The following WIPF3 variants were observed in gnomAD, a reference collection of about 807,000 sequenced individuals.
The protein encoded by WIPF3 is WAS/WASL-interacting protein family member 3.
A neutral mutation model predicts 38.9 loss-of-function variants in WIPF3; 33 were observed. That is an observed-to-expected ratio of 0.85 (90% CI 0.64 to 1.14). The LOEUF is 1.14. Ranked by LOEUF, WIPF3 falls within the 50% of genes most tolerant of loss-of-function variation. The probability of loss-of-function intolerance (pLI) is 0.00; values close to 1 mark genes in which losing one functional copy is unlikely to be tolerated. For synonymous variants in WIPF3, 324 were observed against 269.3 expected (o/e 1.20, Z -1.99); for missense variants, 711 against 652.5 (o/e 1.09, Z -0.98).
intron 2 of WIPF3, among the ~76,000 whole-genome samples, chr7:29,851,327 A>G (rs958829414): frequency 1.3e-5 from 2 of 152,162 alleles, no homozygotes; most frequent in African/African-American, 4.8e-5. Context: ...GCCACAAGCA[A>G]GTTCACACAT....
chr7:29,880,949 G>T (rs1482192272), intron 4 of WIPF3, among the ~76,000 whole-genome samples: 1 of 152,064 alleles, frequency 6.6e-6, no homozygotes, highest in African/African-American at 2.4e-5. Flanking sequence ...TACCTTTCTT[G>T]GTGGTTCATG....
chr7:29,875,822 C>T lies in WIPF3; in HGVS notation c.91-8C>T, dbSNP rs370893548. Reference sequence around the variant, plus strand: ...TACTATAGTCAAATCCCTTTTACTCCCTTACAGGTAAGCACAGACACCTCC... The same window carrying T: ...TACTATAGTCAAATCCCTTTTACTCTCTTACAGGTAAGCACAGACACCTCC... On this transcript the variant is annotated splice_region_variant and splice_polypyrimidine_tract_variant and intron_variant, in intron 2 of 8. Coordinates refer to ENST00000242140, the MANE Select transcript of WIPF3 (RefSeq NM_001080529.3). 48 of 1,613,012 alleles carry T rather than the reference C, an allele frequency of 3.0e-5. No individual in the cohort carries two copies. The highest frequency in any genetic ancestry group is 1.1e-4 in the African/African-American group (8 of 75,038).
At chr7:29,891,848 A>G (rs1026918694) in intron 7 of WIPF3, among the ~76,000 whole-genome samples, 1 of 152,142 alleles carries the variant, frequency 6.6e-6, no homozygotes, top group African/African-American at 2.4e-5. Flanking sequence ...AGCCAGAGAG[A>G]GAGGGTCACA....
intron 7 of WIPF3, among the ~76,000 whole-genome samples, chr7:29,893,354 T>C (rs1014483759): frequency 3.9e-5 from 6 of 152,098 alleles, no homozygotes; most frequent in Non-Finnish European, 8.8e-5. Flanking sequence ...TATACAGGTC[T>C]GGGGCTGATA....
At chr7:29,824,169 A>G (rs1368740586) in intron 1 of WIPF3, among the ~76,000 whole-genome samples, 1 of 152,152 alleles carries the variant, frequency 6.6e-6, no homozygotes, top group African/African-American at 2.4e-5. Flanking sequence ...AGGTCCGGGC[A>G]TGGTGGCCCA....
intron 1 of WIPF3, among the ~76,000 whole-genome samples, chr7:29,828,819 G>T (rs1469997694): frequency 6.6e-6 from 1 of 152,206 alleles, no homozygotes; most frequent in African/African-American, 2.4e-5. Flanking sequence ...GAGGAGGTGG[G>T]ACTCACAATG....
chr7:29,831,850 T>C (rs907447443), intron 1 of WIPF3, among the ~76,000 whole-genome samples: 45 of 152,132 alleles, frequency 3.0e-4, no homozygotes, highest in African/African-American at 1.1e-3. Context: ...CACTTCGACC[T>C]TCATTGCATT....
Position 29,875,972 on chromosome 7 carries a change from C to G in WIPF3, c.223+10C>G. 6.2e-7 allele frequency: 1 copy of G among 1,612,248 alleles called. No individual in the cohort carries two copies. On this transcript the variant is annotated intron_variant, in intron 3 of 8. Coordinates refer to ENST00000242140, the MANE Select transcript of WIPF3 (RefSeq NM_001080529.3). The stretch of plus-strand genomic sequence containing the variant: ...GCCCCGCAGATCGAGAGTAAGTGAG[C>G]AGCCGGGCCAGGCCTCCTGTGAGCC...
At position 29,915,609 on chromosome 7, in the gene WIPF3, G is replaced by T. The variant is rs76231213; in HGVS notation, c.*1093G>T. 8,398 of 152,238 alleles carry T rather than the reference G, an allele frequency of 0.055. 340 individuals are homozygous for T. Among genetic ancestry groups the T allele is most frequent in the Middle Eastern group, 0.078 (23 of 294 alleles). 9.4% of individuals were successfully genotyped at this position (152,238 alleles called of 1,614,324 possible). ...CTCCACATTCATTCCCTTGTGGTGG[G>T]CACCTGTCTGTGGGGAGATGTGTGC... On this transcript the variant is annotated 3_prime_UTR_variant, in exon 9 of 9. Transcript: ENST00000242140.
chr7:29,857,332 G>T (rs889430579), intron 2 of WIPF3, among the ~76,000 whole-genome samples: 1 of 152,050 alleles, frequency 6.6e-6, no homozygotes, highest in Non-Finnish European at 1.5e-5. Flanking sequence ...ACGTGTCCCT[G>T]ATTCTTTTGG....
chr7:29,895,768 A>G (rs979216903), intron 7 of WIPF3, among the ~76,000 whole-genome samples: 2 of 152,100 alleles, frequency 1.3e-5, no homozygotes, highest in African/African-American at 4.8e-5. Context: ...CACACACTTA[A>G]CCAGATCTTG....
chr7:29,861,033 C>A (rs1785265857), intron 2 of WIPF3, among the ~76,000 whole-genome samples: 1 of 152,126 alleles, frequency 6.6e-6, no homozygotes, highest in South Asian at 2.1e-4. Context: ...GTTGGAAATG[C>A]AGGCCTGGGG....
rs1784280105 is a variant in WIPF3, at chr7:29,806,534, C to G, written c.-202C>G. 6.6e-6 allele frequency: 1 copy of G among 151,322 alleles called. No homozygotes were observed. The highest frequency in any genetic ancestry group is 2.4e-5 in the African/African-American group (1 of 41,350). The allele number at this position is 151,322 out of a possible 1,614,324, so 9.4% of individuals were successfully genotyped here. A position where few individuals can be genotyped will look rare whatever the true frequency, so the allele number is the denominator to read the frequency against. ...CCAGAGCCGGTGGCCGGGGAGCGAG[C>G]CGGGCGCACCGAGCGCAGCTCGGCG... is the stretch of plus-strand genomic sequence containing the variant. On this transcript the variant is annotated 5_prime_UTR_variant, in exon 1 of 9. Transcript: ENST00000242140.
chr7:29,811,968 A>C (rs1784386626), intron 1 of WIPF3, among the ~76,000 whole-genome samples: 1 of 152,224 alleles, frequency 6.6e-6, no homozygotes, highest in Non-Finnish European at 1.5e-5. Flanking sequence ...GGCTGAAGCC[A>C]TTTAAATGAG....
chr7:29,886,449 C>G (rs1785884363), intron 5 of WIPF3, among the ~76,000 whole-genome samples: 1 of 147,454 alleles, frequency 6.8e-6, no homozygotes, highest in Non-Finnish European at 1.5e-5. Context: ...CTTCGCCTCC[C>G]AGGTTCAAGT....
intron 2 of WIPF3, among the ~76,000 whole-genome samples, chr7:29,870,663 T>G (rs574125467): frequency 6.6e-6 from 1 of 152,190 alleles, no homozygotes; most frequent in African/African-American, 2.4e-5. Context: ...CCCCTCATTT[T>G]GCTTTACCTC....
intron 1 of WIPF3, among the ~76,000 whole-genome samples, chr7:29,812,174 C>T (rs1201031684): frequency 6.6e-6 from 1 of 152,122 alleles, no homozygotes; most frequent in African/African-American, 2.4e-5. Flanking sequence ...ATTTTTTAAA[C>T]ATTTTTTATT....
intron 1 of WIPF3, among the ~76,000 whole-genome samples, chr7:29,827,177 A>T (rs1052618475): frequency 5.3e-5 from 8 of 152,112 alleles, no homozygotes; most frequent in Non-Finnish European, 7.4e-5. Context: ...TTCTCTGCTT[A>T]CTCAGGCCAA....
intron 7 of WIPF3, among the ~76,000 whole-genome samples, chr7:29,902,756 G>A (rs1786312720): frequency 6.6e-6 from 1 of 151,510 alleles, no homozygotes; most frequent in Admixed American, 6.6e-5. Context: ...AATCAGAATT[G>A]CTTGAACCTG....
Sources: gnomAD v4.1 joint callset for allele counts (sites outside exome capture counted in the v4.1 genomes callset) on GRCh38, gnomAD v4.1.1 for gene constraint, MANE v1.5 for transcripts, NCBI Gene and HGNC (gene_info 2026-07-23, HGNC 2026-07-21) for gene names.